The following CDK15 variants were observed in gnomAD, a reference collection of about 807,000 sequenced individuals.
CDK15 encodes cyclin dependent kinase 15.
Under a neutral mutation model 60.3 loss-of-function variants are expected in CDK15, and 62 were observed. That is an observed-to-expected ratio of 1.03 (90% CI 0.84 to 1.27). CDK15 has a LOEUF of 1.27. Ranked by LOEUF, CDK15 falls within the 50% of genes most tolerant of loss-of-function variation. The pLI is 0.00. For synonymous variants in CDK15, 194 were observed against 195.7 expected (o/e 0.99, Z 0.07); for missense variants, 541 against 527.8 (o/e 1.03, Z -0.25).
At chr2:201,874,798 C>G (rs891395866) in intron 11 of CDK15, among the ~76,000 whole-genome samples, 2 of 152,162 alleles carry the variant, frequency 1.3e-5, no homozygotes, top group African/African-American at 4.8e-5. Context: ...ATGTTTCTTC[C>G]TAGTATTGGA....
At chr2:201,841,363 G>A (rs974693608) in intron 8 of CDK15, among the ~76,000 whole-genome samples, 6 of 152,064 alleles carry the variant, frequency 3.9e-5, no homozygotes, top group African/African-American at 1.2e-4. Flanking sequence ...TTTGATTGTT[G>A]TTTTCCTGGT....
chr2:201,847,491 T>C lies in CDK15; in HGVS notation c.945+17T>C, dbSNP rs201498970. 16 of 1,602,640 alleles carry C rather than the reference T, an allele frequency of 1.0e-5. No individual in the cohort carries two copies. In the Admixed American group the frequency reaches 2.2e-4, roughly 22 times the overall value. ...ATCTGGGAGGTAGGAGAATAATTCT[T>C]CTAAAGAAAATGAAATATCTGCATT... On this transcript the variant is annotated intron_variant, in intron 9 of 13. Transcript: ENST00000652192.
chr2:201,888,444 A>G (rs2105844461), intron 12 of CDK15: 3 of 1,534,024 alleles, frequency 2.0e-6, no homozygotes, highest in East Asian at 2.4e-5. Context: ...CCGCTTTCAT[A>G]TTTATTTATT....
At chr2:201,860,659 A>G in intron 10 of CDK15, 2 of 1,331,250 alleles carry the variant, frequency 1.5e-6, no homozygotes, top group Non-Finnish European at 2.0e-6. Flanking sequence ...CAGGGACCAG[A>G]ATCAGATGTA....
At chr2:201,870,230 A>G (rs189759426) in intron 10 of CDK15, among the ~76,000 whole-genome samples, 62 of 152,294 alleles carry the variant, frequency 4.1e-4, no homozygotes, top group African/African-American at 1.4e-3. Context: ...CAAAGAAGGA[A>G]AAAGGGTAAG....
At position 201,893,326 on chromosome 2, in the gene CDK15, T is replaced by C. The variant is rs1200057686; in HGVS notation, c.*59T>C. On this transcript the variant is annotated 3_prime_UTR_variant, in exon 14 of 14. Transcript: ENST00000652192. The stretch of plus-strand genomic sequence containing the variant: ...GGCTGTATTTCTGCAGTTTCGGTTT[T>C]CATTTGCTTCAGCTTACTAAGAAGC... The C allele has an allele frequency of 6.6e-6, 1 of 152,230 alleles. No homozygotes were observed. Among genetic ancestry groups the C allele is most frequent in the Non-Finnish European group, 1.5e-5 (1 of 68,048 alleles). The allele number at this position is 152,230 out of a possible 1,614,324, so 9.4% of individuals were successfully genotyped here.
chr2:201,888,479 T>C, intron 12 of CDK15: 2 of 1,535,164 alleles, frequency 1.3e-6, no homozygotes, highest in Non-Finnish European at 1.7e-6. Context: ...GCTGCGATAA[T>C]TATGCTGTCA....
chr2:201,815,860 G>T (rs1695967918), intron 4 of CDK15, among the ~76,000 whole-genome samples: 1 of 151,954 alleles, frequency 6.6e-6, no homozygotes, highest in South Asian at 2.1e-4. Flanking sequence ...ACCAACCCTA[G>T]GAAGTAAAAT....
intron 10 of CDK15, among the ~76,000 whole-genome samples, chr2:201,864,372 C>G (rs559754145): frequency 2.6e-5 from 4 of 152,298 alleles, no homozygotes; most frequent in Non-Finnish European, 5.9e-5. Context: ...GGCTGGGGTA[C>G]AGTGGCGCGA....
intron 10 of CDK15, among the ~76,000 whole-genome samples, chr2:201,864,758 G>A (rs755968407): frequency 2.6e-5 from 4 of 152,196 alleles, no homozygotes; most frequent in Non-Finnish European, 5.9e-5. Context: ...TTATAGAGAA[G>A]GTAATGAGTA....
At chr2:201,871,643 T>C (rs2105816908) in intron 10 of CDK15, among the ~76,000 whole-genome samples, 1 of 152,314 alleles carries the variant, frequency 6.6e-6, no homozygotes, top group South Asian at 2.1e-4. Flanking sequence ...GTTAAACAAA[T>C]GTTTATTGAC....
intron 11 of CDK15, 103 bp downstream of exon 11, chr2:201,872,429 C>G (rs1559144684): frequency 3.3e-6 from 4 of 1,204,180 alleles, no homozygotes; most frequent in Non-Finnish European, 4.9e-6. Context: ...CCGAGCACTT[C>G]CATGTGGGGG....
chr2:201,807,390 C>A (rs2106144630), intron 1 of CDK15, 104 bp from the exon 2 acceptor site: 2 of 1,238,416 alleles, frequency 1.6e-6, no homozygotes, highest in Non-Finnish European at 1.1e-6. Flanking sequence ...GCTTAGAAAA[C>A]ATTTGAAGAG....
intron 6 of CDK15, among the ~76,000 whole-genome samples, chr2:201,830,044 G>A (rs1323653623): frequency 1.3e-5 from 2 of 152,152 alleles, no homozygotes; most frequent in Non-Finnish European, 2.9e-5. Context: ...CTGACCTTGA[G>A]TGATTCACCT....
intron 11 of CDK15, 25 bp downstream of exon 11, chr2:201,872,351 C>A (rs769099964): frequency 1.5e-6 from 2 of 1,361,028 alleles, no homozygotes; most frequent in Non-Finnish European, 1.0e-6. Context: ...AGGAAGGGAT[C>A]TTTAAGGGAT....
rs552092678 is a variant in CDK15 at position 201,844,529 on chromosome 2, G to A, written c.852-2852G>A. On this transcript the variant is annotated intron_variant, in intron 8 of 13. Transcript: ENST00000652192. ...TGGATATTTAAATACAAGTTAATGA[G>A]GAACTTTAAAATAATAATAATTCTA... Among the ~76,000 whole-genome samples, 14 of 152,240 alleles carry A rather than the reference G, an allele frequency of 9.2e-5. No individual in the cohort carries two copies. The South Asian group carries it at 2.7e-3, about 29-fold the overall frequency.
At chr2:201,817,315 G>A (rs1696037418) in intron 4 of CDK15, among the ~76,000 whole-genome samples, 1 of 152,096 alleles carries the variant, frequency 6.6e-6, no homozygotes, top group Non-Finnish European at 1.5e-5. Context: ...CTAAATAATA[G>A]CCTTTTTGAC....
intron 7 of CDK15, among the ~76,000 whole-genome samples, chr2:201,835,103 C>T (rs947994522): frequency 1.3e-5 from 2 of 152,150 alleles, no homozygotes; most frequent in Non-Finnish European, 2.9e-5. Flanking sequence ...ATGAACAGCT[C>T]AGTTTCTGTT....
At chr2:201,819,376 G>C (rs1187967503) in intron 4 of CDK15, among the ~76,000 whole-genome samples, 1 of 152,240 alleles carries the variant, frequency 6.6e-6, no homozygotes, top group African/African-American at 2.4e-5. Context: ...AGGCCAGTGA[G>C]GCTAAAGCCA....
Sources: allele counts gnomAD v4.1 joint callset (sites outside exome capture counted in the v4.1 genomes callset), GRCh38; gene constraint gnomAD v4.1.1; transcripts MANE v1.5; gene names NCBI Gene and HGNC (gene_info 2026-07-23, HGNC 2026-07-21).